The following SMARCA4 variants were observed in gnomAD, a reference collection of about 807,000 sequenced individuals.
SMARCA4 encodes SWI/SNF related BAF chromatin remodeling complex subunit ATPase 4.
SMARCA4 carries 31 observed loss-of-function variants against 193.9 expected under a neutral mutation model. The ratio of observed to expected loss-of-function variants is 0.16; its 90% CI spans 0.12 to 0.22. The LOEUF is 0.22. Ranked by LOEUF, SMARCA4 falls within the 10% of genes least tolerant of loss-of-function variation. SMARCA4 has a pLI of 1.00. For synonymous variants in SMARCA4, 942 were observed against 933.1 expected, an observed-to-expected ratio of 1.01 and a Z score of -0.17; for missense variants, 1,148 against 2,296.0, an observed-to-expected ratio of 0.50 and a Z score of 10.22.
chr19:11,027,199 T>C (rs906100908), intron 23 of SMARCA4, among the ~76,000 whole-genome samples: 4 of 152,214 alleles, frequency 2.6e-5, no homozygotes, highest in African/African-American at 9.7e-5. Flanking sequence ...TTTGATGTGT[T>C]TTTTTATACT....
At chr19:11,039,667 A>G (rs1176638478) in intron 29 of SMARCA4, 1 of 492,796 alleles carries the variant, frequency 2.0e-6, no homozygotes, top group Non-Finnish European at 3.6e-6. Context: ...TTTATGTTAT[A>G]TATGATTTAT....
intron 30 of SMARCA4, among the ~76,000 whole-genome samples, chr19:11,051,405 G>A (rs745404457): frequency 1.2e-4 from 19 of 152,140 alleles, no homozygotes; most frequent in Non-Finnish European, 5.9e-5. Flanking sequence ...CTTGGAACTC[G>A]GAGCAGCCCC....
At chr19:10,965,773 AAAACGTATGGGAAAAATACAGTATTAT>A (rs2084164211) in intron 1 of SMARCA4, among the ~76,000 whole-genome samples, 1 of 152,166 alleles carries the variant, frequency 6.6e-6, no homozygotes, top group South Asian at 2.1e-4. Context: ...ATCTAAACAG[AAAACGTATGGGAAAAATACAGTATTAT>A]GATCTTTAAA....
rs766701688 is a variant in SMARCA4, at chr19:11,021,751, C to T, written c.2643C>T (p.Asp881=). 6.2e-6 allele frequency: 10 copies of T among 1,613,206 alleles called. No individual in the cohort carries two copies. The highest frequency in any genetic ancestry group is 1.3e-5 in the African/African-American group (1 of 75,062). The part of the protein sequence containing the change: ...AKIRWKYMIV[D]EGHRMKNHHC... ...TCCGTTGGAAGTACATGATTGTGGA[C>T]GAAGGTCACCGCATGAAGAACCACC... The change falls in exon 19 of 35, where the codon GAC becomes GAT. Residue 881 remains aspartate (D), a synonymous_variant. Transcript: ENST00000344626.
At chr19:11,029,762 C>T (rs962649468) in intron 24 of SMARCA4, among the ~76,000 whole-genome samples, 4 of 152,170 alleles carry the variant, frequency 2.6e-5, no homozygotes, top group Admixed American at 6.5e-5. Context: ...CAACCTCCGC[C>T]GCCTGGATTC....
chr19:11,016,207 A>C (rs1397273792), intron 16 of SMARCA4, among the ~76,000 whole-genome samples: 2 of 152,022 alleles, frequency 1.3e-5, no homozygotes, highest in Non-Finnish European at 2.9e-5. Context: ...GAGAGTTCAG[A>C]GAGCAGGAAC....
chr19:11,004,334 C>T (rs1402168548), intron 13 of SMARCA4, among the ~76,000 whole-genome samples: 2 of 151,842 alleles, frequency 1.3e-5, no homozygotes, highest in East Asian at 1.9e-4. Flanking sequence ...CTGCAACCTC[C>T]GCCTCCCGGG....
chr19:10,973,457 G>A (rs969770156), intron 1 of SMARCA4, among the ~76,000 whole-genome samples: 11 of 151,702 alleles, frequency 7.3e-5, no homozygotes, highest in African/African-American at 1.9e-4. Context: ...CTAGAGTGCA[G>A]TGATGCAATC....
chr19:10,972,202 A>G (rs1247550440), intron 1 of SMARCA4, among the ~76,000 whole-genome samples: 2 of 151,176 alleles, frequency 1.3e-5, no homozygotes, highest in African/African-American at 4.9e-5. Context: ...CAAGTTATCC[A>G]CTCGTCTTGG....
Position 10,986,586 on chromosome 19 carries a change from G to A in SMARCA4, c.753G>A (p.Arg251=), listed in dbSNP as rs2145786174. The change falls in exon 4 of 35, where the codon AGG becomes AGA. Residue 251 remains arginine (R), a synonymous_variant. Transcript: ENST00000344626. The surrounding 1 kb of genome is among the most constrained non-coding windows in gnomAD (Gnocchi z 6.7). ...GCCCGGCACCTCCAAATTACAGCAG[G>A]CCTCATGGTAAGACTGGCTGCCCTG... ...GPGPAPPNYS[R]PHGMGGPNMP... 1 of 1,536,282 alleles carries A rather than the reference G, an allele frequency of 6.5e-7. No homozygotes were observed. Among genetic ancestry groups the A allele is most frequent in the Non-Finnish European group, 8.7e-7 (1 of 1,146,770 alleles).
chr19:10,995,589 C>T (rs1463280061), intron 9 of SMARCA4: 3 of 433,982 alleles, frequency 6.9e-6, no homozygotes, highest in African/African-American at 2.0e-5. Context: ...GGCCCTGATG[C>T]ACAAACGCAG....
At chr19:11,042,397 C>G (rs939454820) in intron 30 of SMARCA4, among the ~76,000 whole-genome samples, 8 of 152,236 alleles carry the variant, frequency 5.3e-5, no homozygotes, top group Non-Finnish European at 7.3e-5. Flanking sequence ...TGGGCAGGAG[C>G]CAGCAAAGGT....
chr19:11,002,931 G>T, intron 11 of SMARCA4, 98 bp from the exon 12 acceptor site: 1 of 1,378,860 alleles, frequency 7.3e-7, no homozygotes, highest in Non-Finnish European at 1.0e-6. Flanking sequence ...GCCATTTTCT[G>T]TGCAAACAGT....
chr19:11,021,994 T>C (rs756289207), intron 19 of SMARCA4, 27 bp downstream of exon 19: 2 of 1,611,336 alleles, frequency 1.2e-6, no homozygotes, highest in Admixed American at 1.7e-5. Flanking sequence ...GTGCCCATGC[T>C]GACGGTTCCA....
chr19:10,988,986 G>C (rs2086309317), intron 6 of SMARCA4, among the ~76,000 whole-genome samples: 1 of 152,212 alleles, frequency 6.6e-6, no homozygotes, highest in Non-Finnish European at 1.5e-5. Flanking sequence ...AGTTGAAATA[G>C]ATTCCCACCG....
At chr19:10,999,601 T>C (rs915652952) in intron 11 of SMARCA4, among the ~76,000 whole-genome samples, 1 of 152,092 alleles carries the variant, frequency 6.6e-6, no homozygotes. Context: ...GAGGCTATAG[T>C]GAGCTGTAAT....
chr19:10,999,654 T>C (rs1318779413), intron 11 of SMARCA4, among the ~76,000 whole-genome samples: 1 of 152,102 alleles, frequency 6.6e-6, no homozygotes, highest in Non-Finnish European at 1.5e-5. Context: ...TGAGACCCTA[T>C]CTCACACGCA....
At chr19:11,057,197 A>C (rs749727267) in intron 30 of SMARCA4, among the ~76,000 whole-genome samples, 1 of 152,146 alleles carries the variant, frequency 6.6e-6, no homozygotes, top group Non-Finnish European at 1.5e-5. Context: ...CGCGTTTGCC[A>C]TGCGTTCTCA....
intron 1 of SMARCA4, among the ~76,000 whole-genome samples, chr19:10,982,245 C>T (rs184762961): frequency 4.7e-4 from 72 of 152,102 alleles, no homozygotes; most frequent in African/African-American, 1.6e-3. Context: ...GAGGTCGAGG[C>T]GGTTGGGATC....
Sources: gnomAD v4.1 joint callset for allele counts (sites outside exome capture counted in the v4.1 genomes callset) on GRCh38, gnomAD v4.1.1 for gene constraint, Gnocchi (gnomAD v3.1) non-coding constraint, MANE v1.5 for transcripts, NCBI Gene and HGNC (gene_info 2026-07-23, HGNC 2026-07-21) for gene names.